Variants in OGT observed in about 807,000 individuals in gnomAD.
OGT encodes the protein UDP-N-acetylglucosamine--peptide N-acetylglucosaminyltransferase 110 kDa subunit.
A neutral mutation model predicts 75.8 loss-of-function variants in OGT; 3 were observed. That is an observed-to-expected ratio of 0.04 (90% CI 0.02 to 0.10). The LOEUF is 0.10. Among genes scored for constraint, OGT ranks in the 10% least tolerant of loss-of-function variants. OGT has a pLI of 1.00. For synonymous variants in OGT, 257 were observed against 289.7 expected (o/e 0.89, Z 1.15); for missense variants, 260 against 824.4 (o/e 0.32, Z 8.38).
intron 5 of OGT, 22 bp from the exon 6 acceptor site, chrX:71,554,491 C>G: frequency 1.7e-6 from 2 of 1,148,316 alleles, no homozygotes; most frequent in Non-Finnish European, 2.4e-6. Flanking sequence ...CTCTGAGTAA[C>G]TAACTGTCTT....
chrX:71,565,024 TGGTA>T (rs1000665362), intron 19 of OGT, among the ~76,000 whole-genome samples: 1 of 111,036 alleles, frequency 9.0e-6, no homozygotes, highest in African/African-American at 3.3e-5. Flanking sequence ...CCGGACATGG[TGGTA>T]GGCACCTGTA....
chrX:71,537,247 C>G (rs769530776), intron 2 of OGT: 14 of 114,383 alleles, frequency 1.2e-4, no homozygotes, highest in Non-Finnish European at 2.0e-4. Context: ...GGATTACAGA[C>G]ATCAGCCACC....
chrX:71,546,254 A>T (rs1168881228), intron 4 of OGT: 1 of 754,084 alleles, frequency 1.3e-6, no homozygotes, highest in Non-Finnish European at 1.6e-6. Context: ...ACATCCAAAG[A>T]ATTTCAATTG....
chrX:71,570,847 T>C (rs1164494304), intron 21 of OGT, among the ~76,000 whole-genome samples: 2 of 110,801 alleles, frequency 1.8e-5, no homozygotes, highest in Admixed American at 9.6e-5. Context: ...CAGGCTGGAG[T>C]GCAGTGGCAT....
intron 4 of OGT, chrX:71,545,859 A>G (rs537880734): frequency 8.9e-6 from 1 of 112,775 alleles, no homozygotes; most frequent in East Asian, 2.8e-4. Context: ...GCGGACAGCT[A>G]ACATGAATTG....
Position 71,559,696 on chromosome X carries a change from C to T in OGT, c.1851+19C>T, listed in dbSNP as rs764163911. On this transcript the variant is annotated intron_variant, in intron 14 of 21. Coordinates refer to ENST00000373719, the MANE Select transcript of OGT (RefSeq NM_181672.3). ...TTCTCAGGTAGATGAAACTCTCATA[C>T]TTTAACTTTTTATTTTGAGCAAGTT... is the stretch of plus-strand genomic sequence containing the variant. The T allele has an allele frequency of 8.8e-7, 1 of 1,130,894 alleles. No homozygotes were observed. Among genetic ancestry groups the T allele is most frequent in the Non-Finnish European group, 1.2e-6 (1 of 829,187 alleles). 93.2% of individuals were successfully genotyped at this position (1,130,894 alleles called of 1,213,427 possible).
chrX:71,540,358 A>G (rs2040208920), intron 3 of OGT, among the ~76,000 whole-genome samples: 1 of 112,434 alleles, frequency 8.9e-6, no homozygotes. Context: ...TAAATGCATC[A>G]TTAGTACATT....
intron 21 of OGT, among the ~76,000 whole-genome samples, chrX:71,571,731 G>A (rs188995211): frequency 9.0e-6 from 1 of 110,956 alleles, no homozygotes; most frequent in Admixed American, 9.6e-5. Flanking sequence ...GTTATATACA[G>A]TGAAATACAC....
intron 5 of OGT, among the ~76,000 whole-genome samples, chrX:71,551,174 C>G (rs762202288): frequency 2.7e-5 from 3 of 112,175 alleles, no homozygotes; most frequent in South Asian, 7.4e-4. Context: ...AATTATATAT[C>G]AACTTTAAAT....
At chrX:71,546,107 G>A (rs1341744263) in intron 4 of OGT, 11 of 742,795 alleles carry the variant, frequency 1.5e-5, no homozygotes, top group Admixed American at 1.8e-4. Context: ...GCAAAATTAA[G>A]TTGTCTTTGT....
chrX:71,571,080 C>T (rs757850178), intron 21 of OGT, among the ~76,000 whole-genome samples: 3 of 109,487 alleles, frequency 2.7e-5, no homozygotes, highest in South Asian at 4.0e-4. Flanking sequence ...GGATTACAGG[C>T]GCGTGAGACA....
intron 1 of OGT, among the ~76,000 whole-genome samples, chrX:71,535,897 A>G (rs1445876247): frequency 8.9e-6 from 1 of 112,200 alleles, no homozygotes; most frequent in Admixed American, 9.4e-5. Flanking sequence ...ATTTAAAAGT[A>G]CAAAGTATTT....
intron 14 of OGT, among the ~76,000 whole-genome samples, chrX:71,561,525 T>C (rs1259563415): frequency 9.0e-6 from 1 of 110,672 alleles, no homozygotes; most frequent in African/African-American, 3.3e-5. Flanking sequence ...TTGTTATTCA[T>C]ACATTCAATC....
At chrX:71,562,590 G>A (rs1192958473) in intron 15 of OGT, among the ~76,000 whole-genome samples, 1 of 112,488 alleles carries the variant, frequency 8.9e-6, no homozygotes, top group Non-Finnish European at 1.9e-5. Flanking sequence ...GTTTGAGGCT[G>A]TAGTGATCTA....
intron 3 of OGT, among the ~76,000 whole-genome samples, chrX:71,543,733 G>GGTGT (rs1211703806): frequency 1.5e-4 from 13 of 87,909 alleles, no homozygotes; most frequent in Admixed American, 5.4e-4. Flanking sequence ...AAATATTTGA[G>GGTGT]ATGTGTGTGT....
At chrX:71,553,471 GT>G (rs1220210731) in intron 5 of OGT, 4 of 107,688 alleles carry the variant, frequency 3.7e-5, no homozygotes, top group Non-Finnish European at 7.7e-5. Flanking sequence ...CGGTGTGTGT[GT>G]TTTTTTTTGT....
intron 14 of OGT, 70 bp from the exon 15 acceptor site, chrX:71,561,705 A>G: frequency 1.1e-6 from 1 of 923,172 alleles, no homozygotes; most frequent in Non-Finnish European, 1.5e-6. Context: ...AAATGCCATT[A>G]AAACTAAATG....
chrX:71,560,107 C>T (rs1032148102), intron 14 of OGT, among the ~76,000 whole-genome samples: 1 of 108,785 alleles, frequency 9.2e-6, no homozygotes, highest in Non-Finnish European at 1.9e-5. Context: ...GGTGAAACCC[C>T]GTCTCTACTA....
At chrX:71,543,077 T>C (rs780814150) in intron 3 of OGT, among the ~76,000 whole-genome samples, 2 of 111,404 alleles carry the variant, frequency 1.8e-5, no homozygotes, top group Non-Finnish European at 3.8e-5. Context: ...AGCCTGTACT[T>C]TGTTGGCAGA....
Sources: gnomAD v4.1 joint callset for allele counts (sites outside exome capture counted in the v4.1 genomes callset) on GRCh38, gnomAD v4.1.1 for gene constraint, MANE v1.5 for transcripts, NCBI Gene and HGNC (gene_info 2026-07-23, HGNC 2026-07-21) for gene names.